The following MOB1B variants were observed in gnomAD, a reference collection of about 807,000 sequenced individuals.
MOB1B encodes the protein MOB1 Mps One Binder homolog B.
In MOB1B, 19 loss-of-function variants were observed where a neutral mutation model predicts 24.4. The observed-to-expected ratio is 0.78, with a 90% CI of 0.54 to 1.14. The LOEUF is 1.14. MOB1B is among the 50% of genes most tolerant of loss of function. The probability of loss-of-function intolerance (pLI) is 0.00; values close to 1 mark genes in which losing one functional copy is unlikely to be tolerated. For missense variants in MOB1B, 243 were observed against 259.6 expected (o/e 0.94, Z 0.44); for synonymous variants, 76 against 82.1 (o/e 0.93, Z 0.40).
intron 4 of MOB1B, chr4:70,976,157 C>T (rs979926854): frequency 4.1e-6 from 4 of 964,804 alleles, no homozygotes; most frequent in Non-Finnish European, 4.9e-6. Context: ...CCACCTCGGC[C>T]TCCCAAAGTA....
rs750679913 is a variant in MOB1B at position 70,983,074 on chromosome 4, T to A, written c.*1017T>A. 3.9e-5 allele frequency: 6 copies of A among 152,322 alleles called. No homozygotes were observed. The highest frequency in any genetic ancestry group is 3.3e-4 in the Admixed American group (5 of 15,264). The allele number at this position is 152,322 out of a possible 1,614,324, so 9.4% of individuals were successfully genotyped here. A position where few individuals can be genotyped will look rare whatever the true frequency, so the allele number is the denominator to read the frequency against. ...TGGCATGAAGATTTTAATCAATTAC[T>A]TATAAACAAAGTCTTAGAGACTTCC... is the stretch of plus-strand genomic sequence containing the variant. On this transcript the variant is annotated 3_prime_UTR_variant, in exon 6 of 6. Transcript: ENST00000309395.
Position 70,929,992 on chromosome 4 carries a change from C to G in MOB1B, c.14+27442C>G, listed in dbSNP as rs541445845. ...GTGGTCTTGAAGTCCTGGGCTTGAGCAATTCACCCGTCTCAGCCTCCCAAA... is the reference window on the plus strand; with the variant it reads ...GTGGTCTTGAAGTCCTGGGCTTGAGGAATTCACCCGTCTCAGCCTCCCAAA... On this transcript the variant is annotated intron_variant, in intron 1 of 5. Coordinates refer to ENST00000309395, the MANE Select transcript of MOB1B (RefSeq NM_173468.4). 4.6e-5 allele frequency among the ~76,000 whole-genome samples: 7 copies of G among 152,174 alleles called. No individual in the cohort carries two copies. In the East Asian group the frequency reaches 1.4e-3, roughly 29 times the overall value.
At chr4:70,967,726 G>GA (rs200768127) in intron 2 of MOB1B, among the ~76,000 whole-genome samples, 3,923 of 151,836 alleles carry the variant, frequency 0.026, 171 homozygotes, top group African/African-American at 0.087. Flanking sequence ...CAAAAAAAAG[G>GA]AAAAAAAATA....
intron 2 of MOB1B, 28 bp from the exon 3 acceptor site, chr4:70,969,903 T>C: frequency 1.5e-6 from 2 of 1,325,090 alleles, no homozygotes; most frequent in Non-Finnish European, 2.1e-6. Context: ...CCATTCTGTT[T>C]TACTTACAAC....
intron 2 of MOB1B, among the ~76,000 whole-genome samples, chr4:70,961,171 A>G (rs1738285973): frequency 6.6e-6 from 1 of 152,228 alleles, no homozygotes; most frequent in African/African-American, 2.4e-5. Context: ...ACAACTGTTA[A>G]TAAAATAGAA....
intron 2 of MOB1B, among the ~76,000 whole-genome samples, chr4:70,965,328 T>C (rs1738474801): frequency 6.7e-6 from 1 of 148,990 alleles, no homozygotes; most frequent in South Asian, 2.1e-4. Context: ...AAAGTGGTTC[T>C]TTGCAAAGTT....
At chr4:70,976,340 T>C (rs773849627) in intron 4 of MOB1B, 16 of 985,210 alleles carry the variant, frequency 1.6e-5, no homozygotes, top group Non-Finnish European at 1.9e-5. Flanking sequence ...TATTTAGTAA[T>C]ATATTTGTGA....
chr4:70,962,536 AT>A (rs751679568), intron 2 of MOB1B, among the ~76,000 whole-genome samples: 20 of 152,280 alleles, frequency 1.3e-4, no homozygotes, highest in Admixed American at 7.2e-4. Flanking sequence ...TTTCAGAAAA[AT>A]TAGCATGAAT....
At chr4:70,960,826 T>C (rs975286550) in intron 2 of MOB1B, among the ~76,000 whole-genome samples, 2 of 152,214 alleles carry the variant, frequency 1.3e-5, no homozygotes, top group Non-Finnish European at 2.9e-5. Flanking sequence ...TTTTGTAAAA[T>C]TTGAGAGTTC....
At chr4:70,940,234 A>C (rs1737274995) in intron 1 of MOB1B, among the ~76,000 whole-genome samples, 1 of 152,176 alleles carries the variant, frequency 6.6e-6, no homozygotes, top group African/African-American at 2.4e-5. Context: ...GCATTTGGGC[A>C]TAAAGGCAGG....
In MOB1B at chr4:70,950,796, C is replaced by G. The variant is rs745799626; in HGVS notation, c.15-8078C>G. On this transcript the variant is annotated intron_variant, in intron 1 of 5. Coordinates refer to ENST00000309395, the MANE Select transcript of MOB1B (RefSeq NM_173468.4). ...GGACTTAGACCTATGGAAGGAGCTACTGATGTGAATGAAAGGTTAGTACCT... is the reference window on the plus strand; with the variant it reads ...GGACTTAGACCTATGGAAGGAGCTAGTGATGTGAATGAAAGGTTAGTACCT... 11 of 1,525,554 alleles carry G rather than the reference C, an allele frequency of 7.2e-6. No homozygotes were observed. In the South Asian group the frequency reaches 1.3e-4, roughly 18 times the overall value. 94.5% of individuals were successfully genotyped at this position (1,525,554 alleles called of 1,614,324 possible). A position where few individuals can be genotyped will look rare whatever the true frequency, so the allele number is the denominator to read the frequency against.
intron 5 of MOB1B, among the ~76,000 whole-genome samples, chr4:70,980,382 C>T (rs1263155559): frequency 6.6e-6 from 1 of 152,118 alleles, no homozygotes; most frequent in African/African-American, 2.4e-5. Flanking sequence ...GTATATTCTC[C>T]CTCCAGAAGG....
At chr4:70,945,385 A>G (rs545234202) in intron 1 of MOB1B, among the ~76,000 whole-genome samples, 1 of 152,290 alleles carries the variant, frequency 6.6e-6, no homozygotes, top group East Asian at 1.9e-4. Context: ...TTAAACTGTC[A>G]TGGTAAATTC....
At chr4:70,903,130 G>A (rs1735585907) in intron 1 of MOB1B, among the ~76,000 whole-genome samples, 1 of 152,164 alleles carries the variant, frequency 6.6e-6, no homozygotes, top group African/African-American at 2.4e-5. Flanking sequence ...GGACACAGAC[G>A]GGGGTCCCTG....
intron 1 of MOB1B, among the ~76,000 whole-genome samples, chr4:70,953,552 TAC>T (rs760870549): frequency 3.9e-5 from 6 of 152,170 alleles, no homozygotes; most frequent in Non-Finnish European, 7.3e-5. Flanking sequence ...CTCTAAATGA[TAC>T]ACTTTTGTAA....
At chr4:70,919,633 G>GGACT (rs1736344297) in intron 1 of MOB1B, among the ~76,000 whole-genome samples, 1 of 152,124 alleles carries the variant, frequency 6.6e-6, no homozygotes, top group Non-Finnish European at 1.5e-5. Flanking sequence ...CAGGTAGCCA[G>GGACT]GACTACAGGC....
intron 2 of MOB1B, among the ~76,000 whole-genome samples, chr4:70,964,151 G>C (rs1243179404): frequency 6.6e-6 from 1 of 152,186 alleles, no homozygotes; most frequent in East Asian, 1.9e-4. Context: ...AAAAGGAGAA[G>C]TAGACAAATC....
Position 70,979,186 on chromosome 4 carries a change from T to C in MOB1B, c.468T>C (p.Phe156=). 1 of 1,613,938 alleles carries C rather than the reference T, an allele frequency of 6.2e-7. No individual in the cohort carries two copies. Among genetic ancestry groups the C allele is most frequent in the Non-Finnish European group, 8.5e-7 (1 of 1,179,852 alleles). Residue 156 remains phenylalanine (F), a synonymous_variant, in exon 5 of 6, where the codon TTT becomes TTC. Coordinates refer to ENST00000309395, the MANE Select transcript of MOB1B (RefSeq NM_173468.4). ...CAAAAACTATACTCAAACGCCTCTTTAGGGTTTATGCTCACATTTATCATC... is the reference window on the plus strand; with the variant it reads ...CAAAAACTATACTCAAACGCCTCTTCAGGGTTTATGCTCACATTTATCATC... ...SVAKTILKRL[F]RVYAHIYHQH...
Position 70,979,300 on chromosome 4 carries a change from G to A in MOB1B, c.573+9G>A. ...TTATTTTTTTTGTCCAGGTAAGTTG[G>A]ATTAGGAGGCCTTTGGTGCTCAGGG... On this transcript the variant is annotated intron_variant, in intron 5 of 5. Coordinates refer to ENST00000309395, the MANE Select transcript of MOB1B (RefSeq NM_173468.4). The A allele has an allele frequency of 6.2e-7, 1 of 1,608,814 alleles. No individual in the cohort carries two copies. The highest frequency in any genetic ancestry group is 1.1e-5 in the South Asian group (1 of 90,866).
Sources: gnomAD v4.1 joint callset for allele counts (sites outside exome capture counted in the v4.1 genomes callset) on GRCh38, gnomAD v4.1.1 for gene constraint, MANE v1.5 for transcripts, NCBI Gene and HGNC (gene_info 2026-07-23, HGNC 2026-07-21) for gene names.